SYTL3: variants seen among roughly 807,000 people sequenced by gnomAD.
SYTL3 encodes synaptotagmin-like protein 3.
SYTL3 carries 88 observed loss-of-function variants against 82.1 expected under a neutral mutation model. That is an observed-to-expected ratio of 1.07 (90% CI 0.90 to 1.28). The LOEUF (loss-of-function observed/expected upper bound fraction) is 1.28, where lower values mean the gene tolerates loss of function less well. SYTL3 is among the 50% of genes most tolerant of loss of function. SYTL3 has a pLI of 0.00. For missense variants in SYTL3, 831 were observed against 757.6 expected (o/e 1.10, Z -1.14); for synonymous variants, 311 against 289.4 (o/e 1.07, Z -0.76).
At chr6:158,681,876 C>T (rs1303319990) in intron 5 of SYTL3, among the ~76,000 whole-genome samples, 3 of 152,206 alleles carry the variant, frequency 2.0e-5, no homozygotes, top group Admixed American at 6.5e-5. Context: ...TGCATAACAT[C>T]GAGTTTTCCT....
chr6:158,685,200 GTCTC>G (rs148896149), intron 6 of SYTL3, among the ~76,000 whole-genome samples: 57 of 144,440 alleles, frequency 3.9e-4, no homozygotes, highest in Admixed American at 1.1e-3. Context: ...TTGCTTTTAT[GTCTC>G]TCTCTCTCTC....
At chr6:158,677,646 A>C (rs1778200748) in intron 5 of SYTL3, among the ~76,000 whole-genome samples, 1 of 143,692 alleles carries the variant, frequency 7.0e-6, no homozygotes, top group Non-Finnish European at 1.5e-5. Flanking sequence ...CAGAGGTTGC[A>C]GTGAGCCGAG....
chr6:158,741,413 G>A (rs893153556), intron 11 of SYTL3, among the ~76,000 whole-genome samples: 7 of 152,186 alleles, frequency 4.6e-5, no homozygotes, highest in East Asian at 1.9e-4. Context: ...GCAGTAGGGC[G>A]TTGTCATGGA....
chr6:158,658,810 T>G (rs1789019676), intron 2 of SYTL3, among the ~76,000 whole-genome samples: 1 of 152,100 alleles, frequency 6.6e-6, no homozygotes, highest in Non-Finnish European at 1.5e-5. Flanking sequence ...ACGCCTGTAG[T>G]CGCTACTACT....
intron 2 of SYTL3, among the ~76,000 whole-genome samples, chr6:158,657,923 T>G (rs1340535746): frequency 6.6e-6 from 1 of 152,026 alleles, no homozygotes; most frequent in African/African-American, 2.4e-5. Flanking sequence ...GACGGAGTCT[T>G]GCTCTGTCGC....
intron 11 of SYTL3, among the ~76,000 whole-genome samples, chr6:158,729,566 C>CTTCTTT (rs1785144626): frequency 7.5e-6 from 1 of 132,912 alleles, no homozygotes; most frequent in African/African-American, 2.8e-5. Flanking sequence ...CTTTCTTTTT[C>CTTCTTT]TTTTTTTTTT....
chr6:158,646,149 C>T (rs1180297198), upstream of SYTL3, among the ~76,000 whole-genome samples: 1 of 152,050 alleles, frequency 6.6e-6, no homozygotes, highest in East Asian at 1.9e-4. Context: ...TATTTAGAGA[C>T]AGGGTGTCAT....
At chr6:158,663,570 T>C in intron 4 of SYTL3, 192 bp downstream of exon 4, 1 of 985,252 alleles carries the variant, frequency 1.0e-6, no homozygotes, top group Non-Finnish European at 1.2e-6. Context: ...TAGAGGACGC[T>C]CAGGAGGAGG....
At chr6:158,671,171 G>T (rs972451194) in intron 5 of SYTL3, among the ~76,000 whole-genome samples, 1 of 152,124 alleles carries the variant, frequency 6.6e-6, no homozygotes, top group African/African-American at 2.4e-5. Context: ...TGACAATAGT[G>T]TGTGTGTTTT....
intron 11 of SYTL3, among the ~76,000 whole-genome samples, chr6:158,738,055 C>T (rs73797094): frequency 0.026 from 3,985 of 152,252 alleles, 170 homozygotes; most frequent in African/African-American, 0.091. Context: ...CCTGGACAAG[C>T]GCAGCTGTGC....
intron 6 of SYTL3, among the ~76,000 whole-genome samples, chr6:158,689,212 A>T (rs537550264): frequency 3.2e-4 from 49 of 152,350 alleles, no homozygotes; most frequent in Non-Finnish European, 5.1e-4. Context: ...CTAGAAAGAG[A>T]ACAAGATGAA....
intron 11 of SYTL3, among the ~76,000 whole-genome samples, chr6:158,744,055 A>AT (rs1349364884): frequency 7.2e-5 from 11 of 151,832 alleles, no homozygotes; most frequent in African/African-American, 2.7e-4. Context: ...AGTAGCTGGG[A>AT]TTACAGGTAC....
At chr6:158,668,721 G>T (rs1359929341) in intron 5 of SYTL3, among the ~76,000 whole-genome samples, 1 of 152,200 alleles carries the variant, frequency 6.6e-6, no homozygotes, top group East Asian at 1.9e-4. Flanking sequence ...GGCACCGAGG[G>T]AGGAGGCTGG....
intron 5 of SYTL3, among the ~76,000 whole-genome samples, chr6:158,675,250 G>A (rs1303921289): frequency 2.0e-5 from 3 of 152,184 alleles, no homozygotes; most frequent in Non-Finnish European, 2.9e-5. Context: ...ATATAGCACT[G>A]GATGTGACAG....
At position 158,760,780 on chromosome 6, in the gene SYTL3, G is replaced by C. The variant is rs150095422; in HGVS notation, c.1414+35G>C. 7.4e-3 allele frequency: 11,342 copies of C among 1,540,956 alleles called. 104 individuals are homozygous for C. Among genetic ancestry groups the C allele is most frequent in the Middle Eastern group, 0.01 (61 of 5,902 alleles). On this transcript the variant is annotated intron_variant, in intron 15 of 17. Transcript: ENST00000611299. Reference sequence around the variant, plus strand: ...CTCCAGCTCCCTGGACATTGTCTGTGTCATTGTCTGCAGAGCCTGGTGCTG... The same window carrying C: ...CTCCAGCTCCCTGGACATTGTCTGTCTCATTGTCTGCAGAGCCTGGTGCTG...
intron 11 of SYTL3, among the ~76,000 whole-genome samples, chr6:158,744,201 G>A (rs1787291749): frequency 6.6e-6 from 1 of 151,400 alleles, no homozygotes; most frequent in South Asian, 2.1e-4. Context: ...ACAAGGGTGA[G>A]CCACCACGCC....
At position 158,713,944 on chromosome 6, in the gene SYTL3, G is replaced by A. The variant is rs1055065186; in HGVS notation, c.595+66G>A. 11 of 1,230,002 alleles carry A rather than the reference G, an allele frequency of 8.9e-6. No homozygotes were observed. The Admixed American group carries it at 1.8e-4, about 20-fold the overall frequency. The allele number at this position is 1,230,002 out of a possible 1,614,324, so 76.2% of individuals were successfully genotyped here. A position where few individuals can be genotyped will look rare whatever the true frequency, so the allele number is the denominator to read the frequency against. On this transcript the variant is annotated intron_variant, in intron 9 of 17. Transcript: ENST00000611299. ...AGGCCAGCCGAGCCCACTGGCCAGGGCCTGGCCGGTGACCTCGGTTGACAC... is the reference window on the plus strand; with the variant it reads ...AGGCCAGCCGAGCCCACTGGCCAGGACCTGGCCGGTGACCTCGGTTGACAC...
chr6:158,715,662 T>TCC (rs1783332326), intron 9 of SYTL3, among the ~76,000 whole-genome samples: 1 of 61,872 alleles, frequency 1.6e-5, no homozygotes, highest in African/African-American at 4.6e-5. Flanking sequence ...CCCCACCCCC[T>TCC]GCCCAGAGGC....
At chr6:158,680,778 C>T (rs764612266) in intron 5 of SYTL3, among the ~76,000 whole-genome samples, 6 of 152,066 alleles carry the variant, frequency 3.9e-5, no homozygotes, top group Non-Finnish European at 8.8e-5. Flanking sequence ...TTCTTAAATG[C>T]TCTTTCTATA....
Sources: allele counts gnomAD v4.1 joint callset (sites outside exome capture counted in the v4.1 genomes callset), GRCh38; gene constraint gnomAD v4.1.1; transcripts MANE v1.5; gene names NCBI Gene and HGNC (gene_info 2026-07-23, HGNC 2026-07-21).